TTC28: variants seen among roughly 807,000 people sequenced by gnomAD.
The protein encoded by TTC28 is tetratricopeptide repeat domain 28.
TTC28 carries 61 observed loss-of-function variants against 198.0 expected under a neutral mutation model. That is an observed-to-expected ratio of 0.31 (90% CI 0.25 to 0.38). The LOEUF is 0.38. Among genes scored for constraint, TTC28 ranks in the 10% least tolerant of loss-of-function variants. TTC28 has a pLI of 1.00. For synonymous variants in TTC28, 1,171 were observed against 1,297.8 expected, an observed-to-expected ratio of 0.90 and a Z score of 2.10; for missense variants, 2,678 against 3,164.0, an observed-to-expected ratio of 0.85 and a Z score of 3.69.
intron 2 of TTC28, among the ~76,000 whole-genome samples, chr22:28,423,062 C>T (rs532466796): frequency 1.3e-5 from 2 of 152,142 alleles, no homozygotes; most frequent in East Asian, 3.9e-4. Context: ...CAGTCAAAAA[C>T]TACTGTAGAT....
chr22:28,416,684 T>C (rs1271393955), intron 2 of TTC28, among the ~76,000 whole-genome samples: 1 of 152,154 alleles, frequency 6.6e-6, no homozygotes, highest in Non-Finnish European at 1.5e-5. Flanking sequence ...AGATTTTAGA[T>C]TACCCTTACC....
At chr22:28,272,709 G>T (rs910764134) in intron 5 of TTC28, among the ~76,000 whole-genome samples, 2 of 152,176 alleles carry the variant, frequency 1.3e-5, no homozygotes, top group African/African-American at 4.8e-5. Flanking sequence ...AGGTATTTGG[G>T]ATGGAAGGGA....
intron 2 of TTC28, among the ~76,000 whole-genome samples, chr22:28,320,474 G>A (rs2045428644): frequency 6.6e-6 from 1 of 152,262 alleles, no homozygotes; most frequent in East Asian, 1.9e-4. Flanking sequence ...TCCCGCCACT[G>A]CTAGAAAATG....
At chr22:27,992,838 C>A in intron 18 of TTC28, 175 bp from the exon 19 acceptor site, 1 of 668,678 alleles carries the variant, frequency 1.5e-6, no homozygotes, top group Non-Finnish European at 2.5e-6. Context: ...CGTGGTCTCC[C>A]AGGAAGGTGG....
chr22:28,047,785 A>C (rs1426667390), intron 12 of TTC28, among the ~76,000 whole-genome samples: 1 of 152,160 alleles, frequency 6.6e-6, no homozygotes, highest in South Asian at 2.1e-4. Context: ...GCATATGACC[A>C]TATTCAAGTG....
At chr22:28,215,571 T>C (rs753185086) in intron 5 of TTC28, among the ~76,000 whole-genome samples, 2 of 152,194 alleles carry the variant, frequency 1.3e-5, no homozygotes, top group East Asian at 3.9e-4. Flanking sequence ...AAGCTTATCT[T>C]GACAAATCTC....
intron 2 of TTC28, among the ~76,000 whole-genome samples, chr22:28,387,254 T>C (rs1436465855): frequency 6.6e-6 from 1 of 152,236 alleles, no homozygotes; most frequent in African/African-American, 2.4e-5. Context: ...CGTTGGACAT[T>C]TGGGTTGGTT....
chr22:28,496,631 C>G (rs1378446377), intron 2 of TTC28, among the ~76,000 whole-genome samples: 2 of 152,050 alleles, frequency 1.3e-5, no homozygotes, highest in Non-Finnish European at 1.5e-5. Context: ...TTGTCCAGGT[C>G]ATCATCATAT....
chr22:28,054,559 T>G (rs948113009), intron 12 of TTC28, among the ~76,000 whole-genome samples: 1 of 151,496 alleles, frequency 6.6e-6, no homozygotes, highest in Admixed American at 6.6e-5. Flanking sequence ...AGAGAGGGAG[T>G]GGTGATGGCT....
chr22:28,191,325 G>A (rs1049955844), intron 5 of TTC28, among the ~76,000 whole-genome samples: 14 of 152,198 alleles, frequency 9.2e-5, no homozygotes, highest in East Asian at 3.9e-4. Flanking sequence ...CAGTTCTTGC[G>A]AATAGGAACA....
At chr22:28,174,028 A>T (rs1922929869) in intron 5 of TTC28, among the ~76,000 whole-genome samples, 1 of 152,166 alleles carries the variant, frequency 6.6e-6, no homozygotes, top group Non-Finnish European at 1.5e-5. Context: ...TCAAATCTAC[A>T]TGCTCCATGT....
At chr22:28,629,252 T>C (rs2051129069) in intron 2 of TTC28, among the ~76,000 whole-genome samples, 1 of 151,994 alleles carries the variant, frequency 6.6e-6, no homozygotes, top group Admixed American at 6.5e-5. Context: ...AAAAGAGATG[T>C]TCCAAAACCT....
intron 1 of TTC28, among the ~76,000 whole-genome samples, chr22:28,673,675 T>C (rs1024070318): frequency 6.6e-6 from 1 of 152,260 alleles, no homozygotes; most frequent in Admixed American, 6.5e-5. Flanking sequence ...TTGATACTTA[T>C]ATTTTGCTAA....
At chr22:28,037,088 A>G (rs9613563) in intron 12 of TTC28, among the ~76,000 whole-genome samples, 23,634 of 152,210 alleles carry the variant, frequency 0.16, 1,985 homozygotes, top group East Asian at 0.32. Context: ...TACCAGAGGC[A>G]TAAGGAGGAG....
At chr22:28,364,359 T>A (rs1459635077) in intron 2 of TTC28, among the ~76,000 whole-genome samples, 3 of 152,226 alleles carry the variant, frequency 2.0e-5, no homozygotes, top group Non-Finnish European at 4.4e-5. Flanking sequence ...CACGTGGAAC[T>A]GCAAGTCCAT....
chr22:28,484,550 C>A (rs1477557746), intron 2 of TTC28, among the ~76,000 whole-genome samples: 1 of 152,146 alleles, frequency 6.6e-6, no homozygotes, highest in Non-Finnish European at 1.5e-5. Flanking sequence ...CTGGGGTAGA[C>A]AACCTCAACA....
chr22:28,062,537 G>A (rs765851229), intron 12 of TTC28, among the ~76,000 whole-genome samples: 35 of 149,824 alleles, frequency 2.3e-4, no homozygotes, highest in Middle Eastern at 3.6e-3. Flanking sequence ...TGATGCCATC[G>A]TAGCTCACTG....
At chr22:28,610,394 CA>C (rs1218003397) in intron 2 of TTC28, among the ~76,000 whole-genome samples, 1 of 152,182 alleles carries the variant, frequency 6.6e-6, no homozygotes, top group Non-Finnish European at 1.5e-5. Flanking sequence ...GAGGAAGGAA[CA>C]GGCAGCAATC....
intron 2 of TTC28, among the ~76,000 whole-genome samples, chr22:28,333,685 A>C (rs2045653078): frequency 6.6e-6 from 1 of 152,118 alleles, no homozygotes; most frequent in Non-Finnish European, 1.5e-5. Flanking sequence ...CTTCCAAATG[A>C]CATTTAATTT....
Sources: gnomAD v4.1 joint callset for allele counts (sites outside exome capture counted in the v4.1 genomes callset) on GRCh38, gnomAD v4.1.1 for gene constraint, MANE v1.5 for transcripts, NCBI Gene and HGNC (gene_info 2026-07-23, HGNC 2026-07-21) for gene names.